ANKRD24: variants seen among roughly 807,000 people sequenced by gnomAD.
The protein encoded by ANKRD24 is ankyrin repeat domain 24.
In ANKRD24, 109 loss-of-function variants were observed where a neutral mutation model predicts 127.8. That is an observed-to-expected ratio of 0.85 (90% confidence interval 0.73 to 1.00). ANKRD24 has a LOEUF of 1.00. Ranked by LOEUF, ANKRD24 falls within the 50% of genes least tolerant of loss-of-function variation. ANKRD24 has a pLI of 0.00. For synonymous variants in ANKRD24, 743 were observed against 671.1 expected, an observed-to-expected ratio of 1.11 and a Z score of -1.66; for missense variants, 1,648 against 1,570.2, an observed-to-expected ratio of 1.05 and a Z score of -0.84.
intron 1 of ANKRD24, among the ~76,000 whole-genome samples, chr19:4,184,276 GC>G (rs1302771297): frequency 1.3e-5 from 2 of 152,216 alleles, no homozygotes; most frequent in Non-Finnish European, 2.9e-5. Context: ...GGGCACTGTG[GC>G]CGGGAGCTCG....
intron 2 of ANKRD24, among the ~76,000 whole-genome samples, chr19:4,197,975 G>A (rs1046387991): frequency 1.3e-5 from 2 of 152,248 alleles, no homozygotes; most frequent in African/African-American, 4.8e-5. Context: ...ATGAATGAAC[G>A]AATGGGCGAA....
intron 16 of ANKRD24, 68 bp from the exon 17 acceptor site, chr19:4,216,216 T>G: frequency 6.8e-7 from 1 of 1,476,066 alleles, no homozygotes; most frequent in South Asian, 1.2e-5. Context: ...GATCCACCAC[T>G]CCAGCCCCCC....
chr19:4,217,160 CAG>C lies in ANKRD24; in HGVS notation c.2001_2002del (p.Gly668AspfsTer10), dbSNP rs777164845. 4.3e-6 allele frequency: 7 copies of C among 1,613,212 alleles called. No homozygotes were observed. Among genetic ancestry groups the C allele is most frequent in the African/African-American group, 1.3e-5 (1 of 75,020 alleles). ...GCTGGGCAAGCAGAGCCCCCAGTCA[CAG>C]GGACCACAAACATGGAGGCCACGGG... is the stretch of plus-strand genomic sequence containing the variant. On this transcript the variant is annotated frameshift_variant, in exon 18 of 22. Coordinates refer to ENST00000318934, the MANE Select transcript of ANKRD24 (RefSeq NM_001393985.1). LOFTEE classifies it high-confidence loss of function.
chr19:4,193,723 G>C (rs1483822350), intron 2 of ANKRD24, among the ~76,000 whole-genome samples: 1 of 151,742 alleles, frequency 6.6e-6, no homozygotes, highest in Non-Finnish European at 1.5e-5. Flanking sequence ...TGTAATCCCA[G>C]ATACTCGGGA....
intron 2 of ANKRD24, among the ~76,000 whole-genome samples, chr19:4,196,825 C>A (rs7257028): frequency 0.38 from 57,410 of 151,940 alleles, 11,313 homozygotes; most frequent in Middle Eastern, 0.45. Context: ...TCATCTGATG[C>A]ATGTTTGTGG....
chr19:4,217,989 G>A lies in ANKRD24; in HGVS notation c.2829G>A (p.Thr943=), dbSNP rs200209961. ...GTCTGGAGCAGGAGGTGGTGGCCAC[G>A]GGCAAGGAGGCCGCCCGGCTGCGCG... ...AASLEQEVVA[T]GKEAARLRAE... The change falls in exon 18 of 22, where the codon ACG becomes ACA. Residue 943 remains threonine, a synonymous_variant. Coordinates refer to ENST00000318934, the MANE Select transcript of ANKRD24 (RefSeq NM_001393985.1). The A allele has an allele frequency of 3.5e-4, 531 of 1,527,074 alleles. 4 individuals are homozygous for A. In the African/African-American group the frequency reaches 6.8e-3, roughly 20 times the overall value. The allele number at this position is 1,527,074 out of a possible 1,614,324, so 94.6% of individuals were successfully genotyped here.
intron 2 of ANKRD24, among the ~76,000 whole-genome samples, chr19:4,194,391 G>A (rs988797946): frequency 6.6e-5 from 10 of 152,166 alleles, no homozygotes; most frequent in African/African-American, 1.4e-4. Flanking sequence ...GACTTCAGGC[G>A]ATCAGCCCAC....
At chr19:4,216,218 C>T in intron 16 of ANKRD24, 66 bp from the exon 17 acceptor site, 1 of 1,478,908 alleles carries the variant, frequency 6.8e-7, no homozygotes, top group Middle Eastern at 1.9e-4. Context: ...TCCACCACTC[C>T]AGCCCCCCAC....
chr19:4,183,789 C>T (rs977269674), intron 1 of ANKRD24, among the ~76,000 whole-genome samples: 5 of 152,078 alleles, frequency 3.3e-5, no homozygotes, highest in Non-Finnish European at 5.9e-5. Flanking sequence ...GGCCTGTAAT[C>T]GCAGCTGCTC....
chr19:4,188,523 A>G (rs2145216899), intron 2 of ANKRD24, among the ~76,000 whole-genome samples: 1 of 151,940 alleles, frequency 6.6e-6, no homozygotes, highest in Non-Finnish European at 1.5e-5. Flanking sequence ...TGCAGAGACT[A>G]TAGGCGTGCA....
intron 1 of ANKRD24, chr19:4,183,501 G>A: frequency 3.5e-6 from 1 of 286,748 alleles, no homozygotes; most frequent in Non-Finnish European, 5.2e-6. Flanking sequence ...GGTGTGGTTG[G>A]GGTGCAATGG....
At position 4,217,574 on chromosome 19, in the gene ANKRD24, T is replaced by A; in HGVS notation, c.2414T>A (p.Leu805Gln). 7 of 1,307,504 alleles carry A rather than the reference T, an allele frequency of 5.4e-6. No individual in the cohort carries two copies. The South Asian group carries it at 1.5e-4, about 27-fold the overall frequency. The allele number at this position is 1,307,504 out of a possible 1,614,324, so 81.0% of individuals were successfully genotyped here. ...REDLRDRDSR[L>Q]RELEAASACL... is the part of the protein sequence containing the mutation. The stretch of plus-strand genomic sequence containing the variant: ...GACCTCCGAGACCGGGACTCCCGCC[T>A]GCGGGAGCTGGAGGCGGCCTCGGCC... Residue 805 changes from leucine (L) to glutamine (Q), a missense_variant, in exon 18 of 22, where the codon CTG becomes CAG. Coordinates refer to ENST00000318934, the MANE Select transcript of ANKRD24 (RefSeq NM_001393985.1).
At position 4,200,190 on chromosome 19, in the gene ANKRD24, CG is replaced by C; in HGVS notation, c.343+23del. The C allele has an allele frequency of 1.3e-6, 2 of 1,578,760 alleles. No homozygotes were observed. The highest frequency in any genetic ancestry group is 1.1e-5 in the South Asian group (1 of 87,038). Reference sequence around the variant, plus strand: ...GGGGCAGGTACTGCCAGCTGGGCCCCGGGGAGGGAGGAGGAACTAAGCCCAG... The same window carrying C: ...GGGGCAGGTACTGCCAGCTGGGCCCCGGGAGGGAGGAGGAACTAAGCCCAG... On this transcript the variant is annotated intron_variant, in intron 5 of 21. Coordinates refer to ENST00000318934, the MANE Select transcript of ANKRD24 (RefSeq NM_001393985.1).
intron 7 of ANKRD24, among the ~76,000 whole-genome samples, chr19:4,205,210 G>A (rs756153909): frequency 1.3e-5 from 2 of 151,922 alleles, no homozygotes; most frequent in African/African-American, 2.4e-5. Flanking sequence ...TGCACAGCCC[G>A]GGCAACAGAG....
At chr19:4,196,016 G>A (rs1275668076) in intron 2 of ANKRD24, among the ~76,000 whole-genome samples, 16 of 152,218 alleles carry the variant, frequency 1.1e-4, no homozygotes, top group Admixed American at 1.0e-3. Flanking sequence ...CCAGTGTTGG[G>A]ATATCTGTGG....
Position 4,216,980 on chromosome 19 carries a change from G to C in ANKRD24, c.1820G>C (p.Arg607Thr). 3.7e-6 allele frequency: 6 copies of C among 1,613,078 alleles called. No homozygotes were observed. Among genetic ancestry groups the C allele is most frequent in the Non-Finnish European group, 5.1e-6 (6 of 1,179,616 alleles). Residue 607 changes from arginine (R) to threonine (T), a missense_variant, in exon 18 of 22, where the codon AGA (arginine) becomes ACA (threonine). By Grantham distance (71) the Arg-to-Thr change is moderately conservative. Coordinates refer to ENST00000318934, the MANE Select transcript of ANKRD24 (RefSeq NM_001393985.1). ...ACAAAACCCACAGGGGCTGAGGTCA[G>C]AGAAATGGAGACCACAGAAGAAGAA... is the stretch of plus-strand genomic sequence containing the variant. ...TETKPTGAEV[R>T]EMETTEEEAN...
chr19:4,223,572 A>T (rs1970581620), intron 20 of ANKRD24, among the ~76,000 whole-genome samples: 4 of 137,822 alleles, frequency 2.9e-5, no homozygotes, highest in South Asian at 2.3e-4. Context: ...CTTGCCTGGG[A>T]AATTTTTTGT....
At chr19:4,212,819 C>A (rs1260665981) in intron 15 of ANKRD24, 121 bp downstream of exon 15, 6 of 884,594 alleles carry the variant, frequency 6.8e-6, no homozygotes, top group Non-Finnish European at 1.0e-5. Context: ...AACACACGCA[C>A]CAGACACATG....
At chr19:4,184,238 C>G (rs560032523) in intron 1 of ANKRD24, among the ~76,000 whole-genome samples, 2 of 152,298 alleles carry the variant, frequency 1.3e-5, no homozygotes, top group Non-Finnish European at 2.9e-5. Flanking sequence ...CGTGGCCCAG[C>G]TGGGAGTGGG....
Sources: allele counts gnomAD v4.1 joint callset (sites outside exome capture counted in the v4.1 genomes callset), GRCh38; gene constraint gnomAD v4.1.1; transcripts MANE v1.5; gene names NCBI Gene and HGNC (gene_info 2026-07-23, HGNC 2026-07-21).